Variants in PDE1A observed in about 807,000 individuals in gnomAD.
PDE1A encodes phosphodiesterase 1A.
Under a neutral mutation model 61.7 loss-of-function variants are expected in PDE1A, and 35 were observed. The observed-to-expected ratio is 0.57, with a 90% CI of 0.43 to 0.75. The LOEUF (loss-of-function observed/expected upper bound fraction) is 0.75, where lower values mean the gene tolerates loss of function less well. Ranked by LOEUF, PDE1A falls within the 30% of genes least tolerant of loss-of-function variation. PDE1A has a pLI of 0.00. For missense variants in PDE1A, 597 were observed against 630.6 expected, an observed-to-expected ratio of 0.95 and a Z score of 0.57; for synonymous variants, 232 against 213.2, an observed-to-expected ratio of 1.09 and a Z score of -0.77.
exon 13 of PDE1A, chr2:182,185,976 C>T: frequency 6.2e-7 from 1 of 1,614,068 alleles, no homozygotes; most frequent in Non-Finnish European, 8.5e-7. Context: ...AGGTCCACTG[C>T]TGCAAGGGAG....
At chr2:182,519,135 C>A (rs1220969687) in intron 2 of PDE1A, among the ~76,000 whole-genome samples, 2 of 152,114 alleles carry the variant, frequency 1.3e-5, no homozygotes, top group African/African-American at 4.8e-5. Context: ...CTATCAATAG[C>A]TATGTTTTCT....
At chr2:182,376,731 T>C (rs1700429470) in intron 1 of PDE1A, among the ~76,000 whole-genome samples, 1 of 152,222 alleles carries the variant, frequency 6.6e-6, no homozygotes, top group Non-Finnish European at 1.5e-5. Flanking sequence ...GATAAAGAGA[T>C]ACCTAAGACT....
At chr2:182,658,325 A>C in the PDE1A span, among the ~76,000 whole-genome samples, 1 of 152,064 alleles carries the variant, frequency 6.6e-6, no homozygotes, top group East Asian at 1.9e-4. Flanking sequence ...CAATTGTAAC[A>C]CTCCAATCTC....
rs1035929820 is a variant in PDE1A at position 182,411,785 on chromosome 2, G to A, written c.53+14793C>T. Among the ~76,000 whole-genome samples, 3 of 152,220 alleles carry A rather than the reference G, an allele frequency of 2.0e-5. No homozygotes were observed. In the South Asian group the frequency reaches 6.2e-4, roughly 32 times the overall value. The stretch of plus-strand genomic sequence containing the variant: ...CTCAACATCTTACAATGAACAAAAT[G>A]GCCCCAACAACACGCCTGTAATCCC... On this transcript the variant is annotated intron_variant, in intron 1 of 13. Transcript: ENST00000351439.
At chr2:182,356,531 C>T (rs912332536) in intron 1 of PDE1A, among the ~76,000 whole-genome samples, 51 of 152,050 alleles carry the variant, frequency 3.4e-4, no homozygotes, top group Non-Finnish European at 8.8e-5. Context: ...AGGCGGATCA[C>T]TGGAGCTCAG....
intron 1 of PDE1A, among the ~76,000 whole-genome samples, chr2:182,346,554 C>T (rs1465420425): frequency 6.6e-6 from 1 of 152,060 alleles, no homozygotes; most frequent in Non-Finnish European, 1.5e-5. Context: ...AAGAATAATA[C>T]ATGTAATGGT....
intron 2 of PDE1A, among the ~76,000 whole-genome samples, chr2:182,519,625 A>G (rs1690437841): frequency 6.6e-6 from 1 of 151,936 alleles, no homozygotes; most frequent in South Asian, 2.1e-4. Context: ...AAAATGGTAG[A>G]CAGCATTGAT....
chr2:182,716,476 A>G, the PDE1A span: 1 of 152,492 alleles, frequency 6.6e-6, no homozygotes, highest in Non-Finnish European at 1.5e-5. Context: ...CGACCCCGCG[A>G]TGGCAAGGTG....
chr2:182,633,544 G>A, the PDE1A span, among the ~76,000 whole-genome samples: 2 of 152,102 alleles, frequency 1.3e-5, no homozygotes, highest in Non-Finnish European at 2.9e-5. Context: ...GAAACCATGG[G>A]GAAGGAGGAG....
intron 1 of PDE1A, among the ~76,000 whole-genome samples, chr2:182,414,415 C>T (rs1702798216): frequency 6.6e-6 from 1 of 152,074 alleles, no homozygotes; most frequent in South Asian, 2.1e-4. Flanking sequence ...CCTAGGAGTC[C>T]TAAGGCCACT....
chr2:182,648,685 G>A, the PDE1A span, among the ~76,000 whole-genome samples: 4 of 147,808 alleles, frequency 2.7e-5, no homozygotes, highest in African/African-American at 1.0e-4. Flanking sequence ...GGGTGGCAGA[G>A]CAAGACCCTG....
intron 13 of PDE1A, among the ~76,000 whole-genome samples, chr2:182,159,733 T>A (rs1457418024): frequency 6.6e-6 from 1 of 152,088 alleles, no homozygotes; most frequent in East Asian, 1.9e-4. Context: ...GGAGAGAGGA[T>A]CACTTGAGTC....
intron 10 of PDE1A, among the ~76,000 whole-genome samples, chr2:182,197,905 A>G (rs2125452738): frequency 6.6e-6 from 1 of 152,052 alleles, no homozygotes; most frequent in East Asian, 1.9e-4. Flanking sequence ...ATATTTCTAT[A>G]CAGATTTTAG....
At chr2:182,352,746 T>C (rs1698960143) in intron 1 of PDE1A, among the ~76,000 whole-genome samples, 1 of 152,064 alleles carries the variant, frequency 6.6e-6, no homozygotes, top group Admixed American at 6.6e-5. Context: ...GTAGCTGACT[T>C]GATGTGTGGC....
exon 3 of PDE1A, chr2:182,240,239 G>T: frequency 1.2e-6 from 2 of 1,612,946 alleles, no homozygotes; most frequent in Non-Finnish European, 8.5e-7. Flanking sequence ...GACTTCAGAT[G>T]GGACTGAGTC....
chr2:182,448,247 TTTC>T (rs1685269747), intron 2 of PDE1A, among the ~76,000 whole-genome samples: 1 of 152,140 alleles, frequency 6.6e-6, no homozygotes, highest in South Asian at 2.1e-4. Context: ...TTCTCACTCC[TTTC>T]TTCTTTATTT....
intron 7 of PDE1A, among the ~76,000 whole-genome samples, chr2:182,210,182 T>C (rs1291778198): frequency 1.3e-5 from 2 of 152,250 alleles, no homozygotes; most frequent in Non-Finnish European, 1.5e-5. Context: ...ATGGATCATA[T>C]GGTAAGAGTA....
At chr2:182,711,200 A>C in the PDE1A span, among the ~76,000 whole-genome samples, 2 of 152,188 alleles carry the variant, frequency 1.3e-5, no homozygotes, top group African/African-American at 4.8e-5. Context: ...TGAGTGGAGT[A>C]AACAGAGCAT....
At chr2:182,354,414 T>G (rs1427724832) in intron 1 of PDE1A, among the ~76,000 whole-genome samples, 1 of 152,182 alleles carries the variant, frequency 6.6e-6, no homozygotes, top group Non-Finnish European at 1.5e-5. Flanking sequence ...CAAGCCAGTT[T>G]TATTCACAGG....
Sources: allele counts gnomAD v4.1 joint callset (sites outside exome capture counted in the v4.1 genomes callset), GRCh38; gene constraint gnomAD v4.1.1; transcripts MANE v1.5; gene names NCBI Gene and HGNC (gene_info 2026-07-23, HGNC 2026-07-21).